Variants in DNM3 observed in about 807,000 individuals in gnomAD.
DNM3 encodes the protein dynamin-3.
Under a neutral mutation model 101.6 loss-of-function variants are expected in DNM3, and 47 were observed. That is an observed-to-expected ratio of 0.46 (90% confidence interval 0.37 to 0.59). The LOEUF (loss-of-function observed/expected upper bound fraction) is 0.59, where lower values mean the gene tolerates loss of function less well. Ranked by LOEUF, DNM3 falls within the 20% of genes least tolerant of loss-of-function variation. The probability of loss-of-function intolerance (pLI) is 0.00; values close to 1 mark genes in which losing one functional copy is unlikely to be tolerated. For missense variants in DNM3, 849 were observed against 1,085.7 expected (o/e 0.78, Z 3.06); for synonymous variants, 385 against 387.9 (o/e 0.99, Z 0.09).
At chr1:172,186,399 T>G (rs2059526578) in intron 14 of DNM3, among the ~76,000 whole-genome samples, 1 of 151,932 alleles carries the variant, frequency 6.6e-6, no homozygotes, top group Admixed American at 6.6e-5. Context: ...TTTTTAACTT[T>G]GTAATGATGA....
At chr1:172,057,756 A>C (rs1272712276) in intron 10 of DNM3, among the ~76,000 whole-genome samples, 3 of 151,916 alleles carry the variant, frequency 2.0e-5, no homozygotes. Context: ...AAATGTAAAG[A>C]CCATCAAGAC....
At chr1:172,152,139 C>T (rs1440293363) in intron 14 of DNM3, among the ~76,000 whole-genome samples, 1 of 152,134 alleles carries the variant, frequency 6.6e-6, no homozygotes, top group Non-Finnish European at 1.5e-5. Flanking sequence ...CCACCTTGGC[C>T]TCCCAATGTG....
At chr1:172,097,822 A>G (rs1572496519) in intron 13 of DNM3, among the ~76,000 whole-genome samples, 1 of 152,202 alleles carries the variant, frequency 6.6e-6, no homozygotes, top group African/African-American at 2.4e-5. Flanking sequence ...AGTACAAAAC[A>G]GAGAAATTTT....
At chr1:172,031,948 A>C (rs954640032) in intron 4 of DNM3, among the ~76,000 whole-genome samples, 2 of 152,138 alleles carry the variant, frequency 1.3e-5, no homozygotes, top group Non-Finnish European at 2.9e-5. Context: ...AGTGACTAGA[A>C]CTGGATCAAT....
rs142222712 is a variant in DNM3 at position 172,282,817 on chromosome 1, G to A, written c.1770-25911G>A. ...AGTCTTCTTTGGCAACTATACCCCA[G>A]TGGACATCCACATGTGTTCCTCATA... On this transcript the variant is annotated intron_variant, in intron 15 of 20. Coordinates refer to ENST00000627582, the MANE Select transcript of DNM3 (RefSeq NM_015569.5). Among the ~76,000 whole-genome samples, 392 of 152,320 alleles carry A rather than the reference G, an allele frequency of 2.6e-3. 1 individual carries two copies. The highest frequency in any genetic ancestry group is 6.8e-3 in the South Asian group (33 of 4,830).
chr1:172,203,776 A>G (rs931464846), intron 14 of DNM3, among the ~76,000 whole-genome samples: 11 of 152,170 alleles, frequency 7.2e-5, no homozygotes, highest in Non-Finnish European at 4.4e-5. Context: ...CCAGACTAAA[A>G]TTTGTATAAT....
intron 13 of DNM3, among the ~76,000 whole-genome samples, chr1:172,127,710 C>G (rs946031647): frequency 3.3e-5 from 5 of 152,004 alleles, no homozygotes; most frequent in African/African-American, 1.2e-4. Flanking sequence ...GCTCGGCCCT[C>G]TCTACTAATT....
chr1:172,324,266 A>C lies in DNM3; in HGVS notation c.1893+926A>C, dbSNP rs984332596. 1.4e-4 allele frequency among the ~76,000 whole-genome samples: 21 copies of C among 152,320 alleles called. 1 individual carries two copies. The highest frequency in any genetic ancestry group is 5.1e-4 in the African/African-American group (21 of 41,572). On this transcript the variant is annotated intron_variant, in intron 17 of 20. Coordinates refer to ENST00000627582, the MANE Select transcript of DNM3 (RefSeq NM_015569.5). Reference sequence around the variant, plus strand: ...TTGAATACAATAAGAATTGAAAAGAATCTGTTATATAAGAGTTGGCCGGCA... The same window carrying C: ...TTGAATACAATAAGAATTGAAAAGACTCTGTTATATAAGAGTTGGCCGGCA...
chr1:172,067,510 G>A (rs962469552), intron 10 of DNM3, among the ~76,000 whole-genome samples: 10 of 151,938 alleles, frequency 6.6e-5, no homozygotes, highest in Non-Finnish European at 1.3e-4. Flanking sequence ...GTTTCTGCAC[G>A]GACTTTCTTT....
chr1:171,940,199 G>C (rs1319013936), intron 2 of DNM3, among the ~76,000 whole-genome samples: 1 of 152,112 alleles, frequency 6.6e-6, no homozygotes, highest in Non-Finnish European at 1.5e-5. Flanking sequence ...TTCTCATTAA[G>C]TACTTTTCAA....
chr1:172,341,521 C>G (rs532839998), intron 17 of DNM3, among the ~76,000 whole-genome samples: 1 of 152,240 alleles, frequency 6.6e-6, no homozygotes, highest in Non-Finnish European at 1.5e-5. Context: ...CGGCATTGTA[C>G]TGGTACAAAA....
chr1:172,352,396 G>A (rs1573571406), intron 17 of DNM3, among the ~76,000 whole-genome samples: 1 of 152,214 alleles, frequency 6.6e-6, no homozygotes, highest in East Asian at 1.9e-4. Flanking sequence ...AATAGGCAAG[G>A]AATGAGCAGG....
At chr1:172,019,235 G>T (rs2047665679) in intron 4 of DNM3, among the ~76,000 whole-genome samples, 1 of 146,770 alleles carries the variant, frequency 6.8e-6, no homozygotes, top group Admixed American at 6.9e-5. Context: ...ATGAGTACTG[G>T]TGCACCAGGA....
At chr1:172,382,486 A>T (rs2068963469) in intron 18 of DNM3, among the ~76,000 whole-genome samples, 1 of 152,132 alleles carries the variant, frequency 6.6e-6, no homozygotes, top group Admixed American at 6.6e-5. Context: ...TAAATGAAGA[A>T]ATTGAGGTTC....
At chr1:172,076,351 T>A (rs924058318) in intron 11 of DNM3, among the ~76,000 whole-genome samples, 22 of 152,220 alleles carry the variant, frequency 1.4e-4, no homozygotes, top group Admixed American at 2.0e-4. Context: ...TCCAATACTA[T>A]GTTGAACAGG....
intron 14 of DNM3, among the ~76,000 whole-genome samples, chr1:172,178,447 A>T (rs929033503): frequency 5.3e-5 from 8 of 152,092 alleles, no homozygotes; most frequent in African/African-American, 1.9e-4. Context: ...GTACAGTAGT[A>T]AATTTTTTAC....
chr1:172,337,928 T>TTTATTTTA (rs1225427237), intron 17 of DNM3, among the ~76,000 whole-genome samples: 1 of 146,904 alleles, frequency 6.8e-6, no homozygotes. Flanking sequence ...TTTATTTTAT[T>TTTATTTTA]ATTTTGAGAC....
chr1:172,027,617 C>CACACAG (rs34981346), intron 4 of DNM3, among the ~76,000 whole-genome samples: 1,806 of 147,086 alleles, frequency 0.012, 26 homozygotes, highest in East Asian at 0.037. Context: ...CACACACACA[C>CACACAG]AGAGAGAGAG....
At chr1:171,929,766 G>T (rs146123300) in intron 2 of DNM3, among the ~76,000 whole-genome samples, 324 of 152,310 alleles carry the variant, frequency 2.1e-3, no homozygotes, top group Non-Finnish European at 3.2e-3. Flanking sequence ...GGTGGCAGAA[G>T]ACCCCAGTTG....
Sources: allele counts gnomAD v4.1 joint callset (sites outside exome capture counted in the v4.1 genomes callset), GRCh38; gene constraint gnomAD v4.1.1; transcripts MANE v1.5; gene names NCBI Gene and HGNC (gene_info 2026-07-23, HGNC 2026-07-21).